Variants in DLGAP4 observed in about 807,000 individuals in gnomAD.
The protein encoded by DLGAP4 is disks large-associated protein 4.
A neutral mutation model predicts 86.9 loss-of-function variants in DLGAP4; 18 were observed. The observed-to-expected ratio is 0.21, with a 90% CI of 0.14 to 0.31. The LOEUF (loss-of-function observed/expected upper bound fraction) is 0.31, where lower values mean the gene tolerates loss of function less well. Among genes scored for constraint, DLGAP4 ranks in the 10% least tolerant of loss-of-function variants. DLGAP4 has a pLI of 1.00. For missense variants in DLGAP4, 1,085 were observed against 1,362.6 expected (o/e 0.80, Z 3.21); for synonymous variants, 548 against 574.3 (o/e 0.95, Z 0.65).
In DLGAP4 at chr20:36,409,902, C is replaced by T. The variant is rs191455150; in HGVS notation, c.-72-21744C>T. Among the ~76,000 whole-genome samples the T allele has an allele frequency of 5.6e-3, 840 of 151,216 alleles. 9 individuals are homozygous for T. The highest frequency in any genetic ancestry group is 0.019 in the African/African-American group (788 of 41,170). On this transcript the variant is annotated intron_variant, in intron 2 of 12. Coordinates refer to ENST00000339266, the MANE Select transcript of DLGAP4 (RefSeq NM_001365621.2). ...CAAAAAAATTAGCCGGGTATGGTGGCGGGCGCCTATAGTCCCAGCTACTCG... is the reference window on the plus strand; with the variant it reads ...CAAAAAAATTAGCCGGGTATGGTGGTGGGCGCCTATAGTCCCAGCTACTCG...
intron 1 of DLGAP4, among the ~76,000 whole-genome samples, chr20:36,316,362 T>C (rs1479387087): frequency 1.3e-5 from 2 of 151,466 alleles, no homozygotes; most frequent in Admixed American, 6.6e-5. Flanking sequence ...CCTGAATGAC[T>C]GGGCATGCCC....
chr20:36,512,822 G>A (rs1273515180), intron 10 of DLGAP4: 1 of 151,902 alleles, frequency 6.6e-6, no homozygotes, highest in Non-Finnish European at 1.5e-5. Context: ...TGCTTGACAT[G>A]CGCAAGGCTG....
chr20:36,474,401 T>G (rs1760883124), intron 7 of DLGAP4, among the ~76,000 whole-genome samples: 1 of 152,212 alleles, frequency 6.6e-6, no homozygotes, highest in Admixed American at 6.5e-5. Context: ...TCCAGGGCTG[T>G]CAGAATCTGC....
chr20:36,395,151 A>C (rs1266970006), intron 2 of DLGAP4, among the ~76,000 whole-genome samples: 1 of 152,030 alleles, frequency 6.6e-6, no homozygotes, highest in Admixed American at 6.6e-5. Flanking sequence ...CATCCACAAG[A>C]CCCACCCGTC....
chr20:36,387,803 C>T (rs886218088), intron 2 of DLGAP4, among the ~76,000 whole-genome samples: 2 of 152,182 alleles, frequency 1.3e-5, no homozygotes, highest in African/African-American at 2.4e-5. Context: ...TGTTTAAGCG[C>T]CCATGTATTT....
intron 1 of DLGAP4, among the ~76,000 whole-genome samples, chr20:36,321,437 G>T (rs2065166824): frequency 6.6e-6 from 1 of 152,378 alleles, no homozygotes; most frequent in African/African-American, 2.4e-5. Context: ...CAGGTCTGAT[G>T]TGAGCATAGC....
chr20:36,415,241 G>A (rs565632432), intron 2 of DLGAP4, among the ~76,000 whole-genome samples: 1 of 152,244 alleles, frequency 6.6e-6, no homozygotes, highest in South Asian at 2.1e-4. Context: ...CTCCAACCTG[G>A]GTGACAGAGT....
intron 2 of DLGAP4, among the ~76,000 whole-genome samples, chr20:36,429,966 T>C (rs1298712551): frequency 2.0e-5 from 3 of 152,150 alleles, no homozygotes; most frequent in Admixed American, 6.5e-5. Flanking sequence ...CTTGCTCTGC[T>C]CCAGCCACAC....
At chr20:36,427,249 C>A (rs1212761549) in intron 2 of DLGAP4, among the ~76,000 whole-genome samples, 1 of 151,916 alleles carries the variant, frequency 6.6e-6, no homozygotes. Context: ...GAGGCCGAGG[C>A]AGGCGGATCA....
chr20:36,389,622 C>CT (rs1225402293), intron 2 of DLGAP4, among the ~76,000 whole-genome samples: 3 of 151,878 alleles, frequency 2.0e-5, no homozygotes, highest in African/African-American at 4.8e-5. Context: ...CTTCCTCTCT[C>CT]TTTTTAAAAA....
At chr20:36,424,738 GTTTT>G (rs34145008) in intron 2 of DLGAP4, among the ~76,000 whole-genome samples, 1 of 139,310 alleles carries the variant, frequency 7.2e-6, no homozygotes, top group Admixed American at 7.2e-5. Flanking sequence ...TGTTTTGTTT[GTTTT>G]TTTTTTTTTT....
intron 2 of DLGAP4, among the ~76,000 whole-genome samples, chr20:36,414,786 C>T (rs2147508120): frequency 6.6e-6 from 1 of 152,330 alleles, no homozygotes; most frequent in Non-Finnish European, 1.5e-5. Context: ...GGCCACTAGC[C>T]ATTTGTGGCC....
Position 36,401,478 on chromosome 20 carries a change from C to T in DLGAP4, c.-72-30168C>T, listed in dbSNP as rs188465908. On this transcript the variant is annotated intron_variant, in intron 2 of 12. Transcript: ENST00000339266. ...CACCTCAGGCAGGCGGCTTTTCCCTCCCGGGCTGTGTGTCCTCACCTGCGG... is the reference window on the plus strand; with the variant it reads ...CACCTCAGGCAGGCGGCTTTTCCCTTCCGGGCTGTGTGTCCTCACCTGCGG... Among the ~76,000 whole-genome samples the T allele has an allele frequency of 5.5e-4, 84 of 152,372 alleles. 2 individuals are homozygous for T. In the East Asian group the frequency reaches 0.015, roughly 27 times the overall value.
At chr20:36,410,937 T>C (rs1435577883) in intron 2 of DLGAP4, among the ~76,000 whole-genome samples, 1 of 152,176 alleles carries the variant, frequency 6.6e-6, no homozygotes, top group Non-Finnish European at 1.5e-5. Context: ...ATCCCCACAC[T>C]GTACTTCCTG....
intron 2 of DLGAP4, among the ~76,000 whole-genome samples, chr20:36,386,252 T>C (rs1228608824): frequency 6.6e-6 from 1 of 152,034 alleles, no homozygotes; most frequent in Admixed American, 6.5e-5. Flanking sequence ...CAGGGGTCAT[T>C]CTGGGGCTCA....
intron 3 of DLGAP4, among the ~76,000 whole-genome samples, chr20:36,433,522 T>C (rs1010068347): frequency 6.6e-6 from 1 of 152,152 alleles, no homozygotes; most frequent in Non-Finnish European, 1.5e-5. Flanking sequence ...AAAGCCAGGC[T>C]GTGGGTGGAA....
intron 2 of DLGAP4, among the ~76,000 whole-genome samples, chr20:36,404,127 A>G (rs1176901744): frequency 2.0e-5 from 3 of 152,206 alleles, no homozygotes; most frequent in African/African-American, 7.2e-5. Flanking sequence ...ATCAGGGGAC[A>G]CCTTGGAGGC....
intron 10 of DLGAP4, among the ~76,000 whole-genome samples, chr20:36,506,632 G>A (rs1178925149): frequency 2.6e-5 from 4 of 152,122 alleles, no homozygotes; most frequent in African/African-American, 9.7e-5. Flanking sequence ...ACTTGACAAT[G>A]TTCTTTTCAG....
At chr20:36,323,926 G>A (rs1288407534) in intron 1 of DLGAP4, among the ~76,000 whole-genome samples, 2 of 152,216 alleles carry the variant, frequency 1.3e-5, no homozygotes, top group Admixed American at 1.3e-4. Context: ...CTGCTCTGCA[G>A]CCCAGTTCCT....
Sources: allele counts gnomAD v4.1 joint callset (sites outside exome capture counted in the v4.1 genomes callset), GRCh38; gene constraint gnomAD v4.1.1; transcripts MANE v1.5; gene names NCBI Gene and HGNC (gene_info 2026-07-23, HGNC 2026-07-21).